NDC1: variants seen among roughly 807,000 people sequenced by gnomAD.
The protein encoded by NDC1 is nucleoporin NDC1.
A neutral mutation model predicts 89.8 loss-of-function variants in NDC1; 24 were observed. That is an observed-to-expected ratio of 0.27 (90% confidence interval 0.19 to 0.38). NDC1 has a LOEUF of 0.38. Among genes scored for constraint, NDC1 ranks in the 10% least tolerant of loss-of-function variants. The probability of loss-of-function intolerance (pLI) is 1.00; values close to 1 mark genes in which losing one functional copy is unlikely to be tolerated. For synonymous variants in NDC1, 296 were observed against 284.8 expected, an observed-to-expected ratio of 1.04 and a Z score of -0.39; for missense variants, 728 against 797.6, an observed-to-expected ratio of 0.91 and a Z score of 1.05.
At chr1:53,784,422 C>T (rs540750271) in intron 16 of NDC1, among the ~76,000 whole-genome samples, 5 of 152,150 alleles carry the variant, frequency 3.3e-5, no homozygotes, top group East Asian at 1.9e-4. Flanking sequence ...TTTGGGAGGC[C>T]GAGGCAGGCG....
chr1:53,792,121 T>C (rs2100645153), intron 14 of NDC1, among the ~76,000 whole-genome samples: 1 of 152,166 alleles, frequency 6.6e-6, no homozygotes, highest in Admixed American at 6.5e-5. Flanking sequence ...TTTTTGTATT[T>C]TTAGTAGAGA....
chr1:53,831,359 T>C (rs1217780477), intron 3 of NDC1, among the ~76,000 whole-genome samples: 1 of 149,422 alleles, frequency 6.7e-6, no homozygotes, highest in African/African-American at 2.5e-5. Flanking sequence ...AACATGTACA[T>C]TTAAAAAATT....
At chr1:53,798,801 T>C (rs1365423000) in intron 11 of NDC1, among the ~76,000 whole-genome samples, 1 of 151,996 alleles carries the variant, frequency 6.6e-6, no homozygotes, top group Non-Finnish European at 1.5e-5. Flanking sequence ...ATGATCCACC[T>C]GCTTCGGCCT....
rs181809613 is a variant in NDC1 at position 53,832,367 on chromosome 1, T to G, written c.280+123A>C. 7.3e-4 allele frequency: 426 copies of G among 580,114 alleles called. 1 individual carries two copies. Among genetic ancestry groups the G allele is most frequent in the Non-Finnish European group, 3.3e-4 (106 of 323,018 alleles). The allele number at this position is 580,114 out of a possible 1,614,324, so 35.9% of individuals were successfully genotyped here. On this transcript the variant is annotated intron_variant, in intron 3 of 17. Transcript: ENST00000371429. ...ATTTTAAGGTACAACATTTGAAGCA[T>G]ATGATTCTGTATACGTTTTTAAATT...
chr1:53,796,686 T>C lies in NDC1; in HGVS notation c.1584+3A>G. 6.4e-7 allele frequency: 1 copy of C among 1,568,964 alleles called. No homozygotes were observed. Among genetic ancestry groups the C allele is most frequent in the Non-Finnish European group, 8.7e-7 (1 of 1,149,776 alleles). On this transcript the variant is annotated splice_donor_region_variant and intron_variant, in intron 13 of 17. Coordinates refer to ENST00000371429, the MANE Select transcript of NDC1 (RefSeq NM_018087.5). The stretch of plus-strand genomic sequence containing the variant: ...TATAAATCCTATAACCATATCATCC[T>C]ACCTGTTCACGTTTATTCTGAATCC...
chr1:53,786,954 C>T (rs1369740199), intron 16 of NDC1, among the ~76,000 whole-genome samples: 2 of 152,150 alleles, frequency 1.3e-5, no homozygotes, highest in Non-Finnish European at 2.9e-5. Context: ...CCTCAGCCTC[C>T]CAAAGTGCTA....
rs1168407660 is a variant in NDC1 at position 53,806,898 on chromosome 1, AC to A, written c.892-382del. Among the ~76,000 whole-genome samples, 5 of 152,318 alleles carry A rather than the reference AC, an allele frequency of 3.3e-5. No individual in the cohort carries two copies. In the South Asian group the frequency reaches 1.0e-3, roughly 32 times the overall value. ...TTCTGTGGGAATTATCCAGAAGCTC[AC>A]CTCAATTTCCAAAATCATTTCTTTA... On this transcript the variant is annotated intron_variant, in intron 8 of 17. Coordinates refer to ENST00000371429, the MANE Select transcript of NDC1 (RefSeq NM_018087.5).
chr1:53,803,954 T>C lies in NDC1; in HGVS notation c.1040A>G (p.Gln347Arg), dbSNP rs1190136021. ...LLSQYSPSRR[Q>R]EVFSLSQPGG... is the part of the protein sequence containing the mutation. ...TGGTTGGCTGAGGCTGAAAACTTCT[T>C]GTCTTCGTGAAGGAGAATATTGAGA... The change falls in exon 10 of 18, where the codon CAA (glutamine) becomes CGA (arginine). Residue 347 changes from glutamine (Q) to arginine (R), a missense_variant. Physicochemically the swap from Gln to Arg is conservative, Grantham distance 43. Transcript: ENST00000371429. 1 of 1,614,092 alleles carries C rather than the reference T, an allele frequency of 6.2e-7. No individual in the cohort carries two copies. The highest frequency in any genetic ancestry group is 8.5e-7 in the Non-Finnish European group (1 of 1,179,926).
Position 53,809,683 on chromosome 1 carries a change from G to C in NDC1, c.755+12C>G, listed in dbSNP as rs200421715. ...AACAGAGTTAAAATTAGACTTTTTAGGTATCACTTACTCATCTATGTGAAG... is the reference window on the plus strand; with the variant it reads ...AACAGAGTTAAAATTAGACTTTTTACGTATCACTTACTCATCTATGTGAAG... On this transcript the variant is annotated intron_variant, in intron 7 of 17. Coordinates refer to ENST00000371429, the MANE Select transcript of NDC1 (RefSeq NM_018087.5). The C allele has an allele frequency of 1.2e-4, 189 of 1,578,482 alleles. No homozygotes were observed. Among genetic ancestry groups the C allele is most frequent in the Non-Finnish European group, 1.6e-4 (179 of 1,149,946 alleles).
chr1:53,792,345 G>A (rs993426143), intron 14 of NDC1, among the ~76,000 whole-genome samples: 1 of 152,134 alleles, frequency 6.6e-6, no homozygotes, highest in African/African-American at 2.4e-5. Flanking sequence ...GACCAGGGTG[G>A]ATTATTTTTT....
chr1:53,828,418 T>G (rs948522857), intron 3 of NDC1, among the ~76,000 whole-genome samples: 2 of 152,024 alleles, frequency 1.3e-5, no homozygotes, highest in Non-Finnish European at 2.9e-5. Flanking sequence ...GACAGCATGA[T>G]CAACATTTTT....
intron 16 of NDC1, among the ~76,000 whole-genome samples, chr1:53,786,254 C>T (rs901528909): frequency 6.6e-6 from 1 of 152,048 alleles, no homozygotes; most frequent in African/African-American, 2.4e-5. Flanking sequence ...ATGCCTCCAG[C>T]CCTTAGTGTT....
intron 6 of NDC1, among the ~76,000 whole-genome samples, chr1:53,811,628 G>A (rs956482954): frequency 3.9e-5 from 6 of 151,974 alleles, no homozygotes; most frequent in Non-Finnish European, 5.9e-5. Flanking sequence ...ACCCAGGAGA[G>A]TCTGAGCTCA....
chr1:53,773,550 G>C (rs1233435420), intron 16 of NDC1, among the ~76,000 whole-genome samples: 2 of 152,162 alleles, frequency 1.3e-5, no homozygotes, highest in Non-Finnish European at 2.9e-5. Flanking sequence ...GTTCACAAAT[G>C]CAAGTGGGAC....
At position 53,831,179 on chromosome 1, in the gene NDC1, C is replaced by T. The variant is rs527250086; in HGVS notation, c.280+1311G>A. 4.6e-5 allele frequency among the ~76,000 whole-genome samples: 7 copies of T among 151,654 alleles called. No homozygotes were observed. The East Asian group carries it at 1.4e-3, about 30-fold the overall frequency. On this transcript the variant is annotated intron_variant, in intron 3 of 17. Coordinates refer to ENST00000371429, the MANE Select transcript of NDC1 (RefSeq NM_018087.5). ...GGCAGAGCTTGCAGTGAGCCGAAAT[C>T]GCGCCACTGCACTCCAGCCTGGGCG...
At chr1:53,776,342 G>GGC (rs1647162868) in intron 16 of NDC1, among the ~76,000 whole-genome samples, 1 of 152,156 alleles carries the variant, frequency 6.6e-6, no homozygotes, top group Non-Finnish European at 1.5e-5. Flanking sequence ...CTAGCCACAT[G>GGC]TAGCTATTGA....
At chr1:53,802,585 G>A (rs1042200748) in intron 10 of NDC1, among the ~76,000 whole-genome samples, 2 of 152,162 alleles carry the variant, frequency 1.3e-5, no homozygotes, top group East Asian at 1.9e-4. Flanking sequence ...AGGCTGAGGC[G>A]AGAGGATCAT....
At chr1:53,833,029 G>A (rs34953122) in intron 2 of NDC1, among the ~76,000 whole-genome samples, 36,354 of 148,100 alleles carry the variant, frequency 0.25, 5,837 homozygotes, top group African/African-American at 0.47. Flanking sequence ...AAGGGGGGGA[G>A]AAAAAAGGAG....
intron 5 of NDC1, among the ~76,000 whole-genome samples, chr1:53,822,695 T>C (rs1648714142): frequency 6.6e-6 from 1 of 151,952 alleles, no homozygotes; most frequent in Non-Finnish European, 1.5e-5. Flanking sequence ...ATAATAAAAA[T>C]ATTATCACTT....
Sources: allele counts gnomAD v4.1 joint callset (sites outside exome capture counted in the v4.1 genomes callset), GRCh38; gene constraint gnomAD v4.1.1; transcripts MANE v1.5; gene names NCBI Gene and HGNC (gene_info 2026-07-23, HGNC 2026-07-21).